ZNF83: variants seen among roughly 807,000 people sequenced by gnomAD.
The protein encoded by ZNF83 is zinc finger protein 83, also known as zinc finger protein 816B.
For synonymous variants in ZNF83, 209 were observed against 213.0 expected, an observed-to-expected ratio of 0.98 and a Z score of 0.17; for missense variants, 552 against 629.9, an observed-to-expected ratio of 0.88 and a Z score of 1.32.
chr19:52,660,947 C>A (rs1431772779), intron 1 of ZNF83: 1 of 152,702 alleles, frequency 6.5e-6, no homozygotes, highest in East Asian at 1.9e-4. Flanking sequence ...TCACTGCAAC[C>A]TCTGCCTCCC....
Position 52,687,422 on chromosome 19 carries a change from AAAT to A in ZNF83, c.-283+3018_-283+3020del, listed in dbSNP as rs1226607208. Reference sequence around the variant, plus strand: ...TATATAGCTATATAAATTATAATATAAATTATAATTTATATAGCTATATAAATT... The same window carrying A: ...TATATAGCTATATAAATTATAATATATATAATTTATATAGCTATATAAATT... On this transcript the variant is annotated intron_variant, in intron 1 of 5. Coordinates refer to the ZNF83 transcript ENST00000594682. 9.9e-3 allele frequency among the ~76,000 whole-genome samples: 503 copies of A among 50,946 alleles called. 199 individuals are homozygous for A. The highest frequency in any genetic ancestry group is 0.05 in the African/African-American group (467 of 9,382). 33.4% of individuals were successfully genotyped at this position (50,946 alleles called of 152,430 possible).
chr19:52,645,438 T>C (rs992608384), intron 3 of ZNF83, among the ~76,000 whole-genome samples: 1 of 152,136 alleles, frequency 6.6e-6, no homozygotes, highest in African/African-American at 2.4e-5. Flanking sequence ...AAAAAAATGA[T>C]GTGAGCTGAT....
chr19:52,687,419 TATAAA>T (rs1231766932), intron 1 of ZNF83, among the ~76,000 whole-genome samples: 5 of 56,730 alleles, frequency 8.8e-5, no homozygotes, highest in African/African-American at 3.8e-4. Context: ...TAAATTATAA[TATAAA>T]TTATAATTTA....
chr19:52,630,482 C>A (rs1303550796), intron 2 of ZNF83, among the ~76,000 whole-genome samples: 1 of 152,170 alleles, frequency 6.6e-6, no homozygotes, highest in African/African-American at 2.4e-5. Context: ...GGACAACACT[C>A]TTTTATGCAC....
intron 1 of ZNF83, among the ~76,000 whole-genome samples, chr19:52,661,599 G>A (rs910920438): frequency 7.2e-5 from 11 of 152,216 alleles, no homozygotes; most frequent in Non-Finnish European, 1.5e-4. Flanking sequence ...CATAAAAGAT[G>A]TATTTGCAAA....
chr19:52,620,364 G>A (rs569319752), intron 2 of ZNF83, among the ~76,000 whole-genome samples: 8 of 151,612 alleles, frequency 5.3e-5, no homozygotes, highest in African/African-American at 1.5e-4. Flanking sequence ...TTGAGGGCAG[G>A]GGAGAATCTG....
chr19:52,615,828 G>C lies in ZNF83; in HGVS notation c.-233-1031C>G, dbSNP rs543130817. On this transcript the variant is annotated intron_variant, in intron 2 of 2. Coordinates refer to ENST00000301096, the Ensembl canonical transcript of ZNF83. ...AAAGGTCCATCTAATGAACATGACA[G>C]AGACTGATAAATCTTTTTTTTCTTT... Among the ~76,000 whole-genome samples the C allele has an allele frequency of 7.9e-5, 12 of 152,290 alleles. No homozygotes were observed. In the South Asian group the frequency reaches 2.5e-3, roughly 32 times the overall value.
At chr19:52,633,970 T>C (rs2061058973) in intron 2 of ZNF83, among the ~76,000 whole-genome samples, 1 of 151,560 alleles carries the variant, frequency 6.6e-6, no homozygotes. Context: ...AAAATATATA[T>C]TCATTATTAA....
chr19:52,681,553 A>G (rs2061921277), intron 1 of ZNF83, among the ~76,000 whole-genome samples: 4 of 152,218 alleles, frequency 2.6e-5, no homozygotes, highest in Admixed American at 2.6e-4. Context: ...AAGCCATAAA[A>G]TAACATACTG....
upstream of ZNF83, among the ~76,000 whole-genome samples, chr19:52,641,837 G>C (rs1222313843): frequency 6.6e-6 from 1 of 152,104 alleles, no homozygotes; most frequent in Non-Finnish European, 1.5e-5. Context: ...TTTTCAGGCT[G>C]CAGTTTGGTT....
chr19:52,655,982 G>A (rs2061499121), intron 2 of ZNF83, among the ~76,000 whole-genome samples: 1 of 151,910 alleles, frequency 6.6e-6, no homozygotes, highest in East Asian at 1.9e-4. Context: ...AGGCTGAGGT[G>A]GGTGTATCAA....
At chr19:52,673,010 G>A (rs1017281062) in intron 1 of ZNF83, among the ~76,000 whole-genome samples, 1 of 151,156 alleles carries the variant, frequency 6.6e-6, no homozygotes, top group Non-Finnish European at 1.5e-5. Flanking sequence ...ATAAAAATGG[G>A]GATGGCCAGG....
chr19:52,668,273 A>C (rs1200218834), intron 1 of ZNF83, among the ~76,000 whole-genome samples: 3 of 152,166 alleles, frequency 2.0e-5, no homozygotes, highest in African/African-American at 7.2e-5. Context: ...CATACAGCAG[A>C]AAGGGAGGGA....
At chr19:52,652,159 C>T (rs1159964515) in intron 3 of ZNF83, 2 of 223,606 alleles carry the variant, frequency 8.9e-6, no homozygotes, top group African/African-American at 4.7e-5. Flanking sequence ...CATTGCCACA[C>T]TGGGCGTGGT....
chr19:52,614,986 T>C (rs1207164679), intron 2 of ZNF83, among the ~76,000 whole-genome samples, 189 bp from the exon 3 acceptor site: 1 of 152,184 alleles, frequency 6.6e-6, no homozygotes, highest in Non-Finnish European at 1.5e-5. Context: ...AAAGGGTGAC[T>C]GCACATAATT....
chr19:52,683,228 CTGTGTGTGTGTGTGTGTGTGTGTGTGTG>C (rs67463602), intron 1 of ZNF83, among the ~76,000 whole-genome samples: 14 of 127,970 alleles, frequency 1.1e-4, no homozygotes, highest in Admixed American at 2.4e-4. Context: ...CCCTGTGACT[CTGTGTGTGTGTGTGTGTGTGTGTGTGTG>C]TGTGTGTGTG....
exon 3 of ZNF83, chr19:52,614,525 TAACA>T: frequency 6.2e-7 from 1 of 1,602,036 alleles, no homozygotes; most frequent in Non-Finnish European, 8.5e-7. Context: ...AGCTGATTTT[TAACA>T]GGCTGCTTTT....
intron 1 of ZNF83, among the ~76,000 whole-genome samples, chr19:52,637,337 G>C (rs182390520): frequency 2.1e-3 from 314 of 152,048 alleles, no homozygotes; most frequent in African/African-American, 5.1e-3. Context: ...CCCTGCTGTG[G>C]TTCTCCCTCT....
At chr19:52,620,768 C>T (rs189190691) in intron 2 of ZNF83, among the ~76,000 whole-genome samples, 1 of 152,348 alleles carries the variant, frequency 6.6e-6, no homozygotes, top group Non-Finnish European at 1.5e-5. Context: ...AAACAGCCAG[C>T]TTCTGTCTTA....
Sources: allele counts gnomAD v4.1 joint callset (sites outside exome capture counted in the v4.1 genomes callset), GRCh38; gene constraint gnomAD v4.1.1; transcripts MANE v1.5; gene names NCBI Gene and HGNC (gene_info 2026-07-23, HGNC 2026-07-21).